The following KCNIP1 variants were observed in gnomAD, a reference collection of about 807,000 sequenced individuals.
The protein encoded by KCNIP1 is A-type potassium channel modulatory protein KCNIP1.
A neutral mutation model predicts 33.0 loss-of-function variants in KCNIP1; 18 were observed. That is an observed-to-expected ratio of 0.55 (90% CI 0.38 to 0.81). The LOEUF is 0.81. Among genes scored for constraint, KCNIP1 ranks in the 30% least tolerant of loss-of-function variants. The probability of loss-of-function intolerance (pLI) is 0.00; values close to 1 mark genes in which losing one functional copy is unlikely to be tolerated. For synonymous variants in KCNIP1, 93 were observed against 98.3 expected (o/e 0.95, Z 0.32); for missense variants, 238 against 271.6 (o/e 0.88, Z 0.87).
At chr5:170,384,146 C>T (rs979199416) in intron 1 of KCNIP1, among the ~76,000 whole-genome samples, 2 of 152,218 alleles carry the variant, frequency 1.3e-5, no homozygotes, top group Admixed American at 6.5e-5. Context: ...AAGCTACACC[C>T]CAGAGCAAGT....
intron 1 of KCNIP1, among the ~76,000 whole-genome samples, chr5:170,593,772 G>A (rs1758348343): frequency 6.6e-6 from 1 of 152,156 alleles, no homozygotes; most frequent in African/African-American, 2.4e-5. Context: ...CTCCCTGAGT[G>A]GAGGGAGCCG....
intron 1 of KCNIP1, among the ~76,000 whole-genome samples, chr5:170,522,824 G>A (rs1755412457): frequency 6.6e-6 from 1 of 152,204 alleles, no homozygotes; most frequent in East Asian, 1.9e-4. Flanking sequence ...AGGAAGGAGA[G>A]GAAGCAGAAA....
chr5:170,549,260 G>C (rs1756519001), intron 1 of KCNIP1, among the ~76,000 whole-genome samples: 1 of 152,206 alleles, frequency 6.6e-6, no homozygotes, highest in African/African-American at 2.4e-5. Context: ...AGAGAAGTTA[G>C]TTCCAGTCCT....
At chr5:170,557,218 G>A (rs1159312172) in intron 1 of KCNIP1, among the ~76,000 whole-genome samples, 2 of 152,168 alleles carry the variant, frequency 1.3e-5, no homozygotes, top group African/African-American at 4.8e-5. Context: ...GTTGTCAAAA[G>A]GATGAAACAA....
In KCNIP1 at chr5:170,654,310, G is replaced by A. The variant is rs370127296; in HGVS notation, c.62-64448G>A. ...TCTGTGCCAGGCACTGTGCTTCAGG[G>A]CCATGGGGGATGCTCCAAGCGGTAA... On this transcript the variant is annotated intron_variant, in intron 1 of 7. Transcript: ENST00000328939. Among the ~76,000 whole-genome samples, 59 of 152,296 alleles carry A rather than the reference G, an allele frequency of 3.9e-4. No individual in the cohort carries two copies. The South Asian group carries it at 0.012, about 30-fold the overall frequency.
At chr5:170,613,172 G>A (rs139569536) in intron 1 of KCNIP1, among the ~76,000 whole-genome samples, 76 of 152,264 alleles carry the variant, frequency 5.0e-4, no homozygotes, top group Non-Finnish European at 8.5e-4. Context: ...CTCTCTCCAT[G>A]TTTGGCCTTC....
At chr5:170,668,741 G>A (rs985062484) in intron 1 of KCNIP1, among the ~76,000 whole-genome samples, 1 of 152,220 alleles carries the variant, frequency 6.6e-6, no homozygotes, top group Non-Finnish European at 1.5e-5. Flanking sequence ...CACAGATTCT[G>A]ATGCCAGGCA....
intron 1 of KCNIP1, among the ~76,000 whole-genome samples, chr5:170,397,314 A>G (rs1165075700): frequency 5.9e-5 from 9 of 152,316 alleles, no homozygotes; most frequent in Non-Finnish European, 7.3e-5. Flanking sequence ...TCCAACTGGT[A>G]GACAGACAAA....
chr5:170,567,476 CAGG>C (rs1757243034), intron 1 of KCNIP1, among the ~76,000 whole-genome samples: 1 of 152,162 alleles, frequency 6.6e-6, no homozygotes, highest in African/African-American at 2.4e-5. Context: ...AGTAGTCAGT[CAGG>C]AGATGAGGAT....
chr5:170,500,692 A>T (rs1757392782), upstream of KCNIP1, among the ~76,000 whole-genome samples: 1 of 152,120 alleles, frequency 6.6e-6, no homozygotes, highest in Non-Finnish European at 1.5e-5. Context: ...ATTCTTTGTG[A>T]GCATCTCATG....
intron 1 of KCNIP1, among the ~76,000 whole-genome samples, chr5:170,412,452 G>C (rs895922102): frequency 6.6e-6 from 1 of 152,124 alleles, no homozygotes; most frequent in Non-Finnish European, 1.5e-5. Flanking sequence ...AGATTGATCT[G>C]GCCCTCCAAG....
Position 170,736,168 on chromosome 5 carries a change from C to A in KCNIP1, c.*362C>A, listed in dbSNP as rs181254216. ...CCCAGCCCACTGCCTCCAAGTCAGGCAGACCTTGGTGAATCTGGAAGCAAG... is the reference window on the plus strand; with the variant it reads ...CCCAGCCCACTGCCTCCAAGTCAGGAAGACCTTGGTGAATCTGGAAGCAAG... On this transcript the variant is annotated 3_prime_UTR_variant, in exon 8 of 8. Coordinates refer to ENST00000328939, the MANE Select transcript of KCNIP1 (RefSeq NM_014592.4). 574 of 209,774 alleles carry A rather than the reference C, an allele frequency of 2.7e-3. 2 individuals carry two copies. The highest frequency in any genetic ancestry group is 0.016 in the South Asian group (110 of 6,968). 13.0% of individuals were successfully genotyped at this position (209,774 alleles called of 1,614,324 possible).
intron 1 of KCNIP1, among the ~76,000 whole-genome samples, chr5:170,531,085 C>T (rs1755771333): frequency 6.6e-6 from 1 of 152,192 alleles, no homozygotes; most frequent in Non-Finnish European, 1.5e-5. Flanking sequence ...AGAATCCTGA[C>T]TGAAACCCCC....
At chr5:170,453,608 A>C (rs898858794) in intron 1 of KCNIP1, among the ~76,000 whole-genome samples, 1 of 152,230 alleles carries the variant, frequency 6.6e-6, no homozygotes, top group Admixed American at 6.5e-5. Flanking sequence ...CTCCACTTGA[A>C]GGTAGATGAG....
rs865968041 is a variant in KCNIP1 at position 170,615,172 on chromosome 5, G to A, written c.62-103586G>A. ...GGAGTTTGCAGTGCGCCAAGATCGC[G>A]CCACTGCACTCCAGCCTGGGCGACA... On this transcript the variant is annotated intron_variant, in intron 1 of 7. Coordinates refer to ENST00000328939, the MANE Select transcript of KCNIP1 (RefSeq NM_014592.4). 2.0e-5 allele frequency among the ~76,000 whole-genome samples: 3 copies of A among 152,154 alleles called. No individual in the cohort carries two copies. The South Asian group carries it at 6.2e-4, about 32-fold the overall frequency.
chr5:170,536,308 G>C (rs1271822215), intron 1 of KCNIP1, among the ~76,000 whole-genome samples: 2 of 152,200 alleles, frequency 1.3e-5, no homozygotes, highest in African/African-American at 2.4e-5. Flanking sequence ...ACTACTGCCT[G>C]TGCAGCCTTG....
chr5:170,458,701 C>G (rs573569165), intron 1 of KCNIP1, among the ~76,000 whole-genome samples: 11 of 152,318 alleles, frequency 7.2e-5, no homozygotes, highest in African/African-American at 2.6e-4. Context: ...AAAAGGAGCT[C>G]TAAACCTTCA....
chr5:170,618,519 GGAGGGAGGGAGGGAGGA>G (rs1369468895), intron 1 of KCNIP1, among the ~76,000 whole-genome samples: 4 of 106,444 alleles, frequency 3.8e-5, no homozygotes, highest in African/African-American at 7.6e-5. Flanking sequence ...AGGAAGGAAG[GGAGGGAGGGAGGGAGGA>G]AAGGAGGGAG....
intron 1 of KCNIP1, among the ~76,000 whole-genome samples, chr5:170,607,301 G>A (rs143281941): frequency 6.6e-6 from 1 of 152,334 alleles, no homozygotes; most frequent in Non-Finnish European, 1.5e-5. Context: ...GTAGAGTAGT[G>A]ATGAAGAGTA....
Sources: gnomAD v4.1 joint callset for allele counts (sites outside exome capture counted in the v4.1 genomes callset) on GRCh38, gnomAD v4.1.1 for gene constraint, MANE v1.5 for transcripts, NCBI Gene and HGNC (gene_info 2026-07-23, HGNC 2026-07-21) for gene names.